GEMIN7: variants seen among roughly 807,000 people sequenced by gnomAD.
The protein encoded by GEMIN7 is gem-associated protein 7.
GEMIN7 carries 7 observed loss-of-function variants against 7.8 expected under a neutral mutation model. The observed-to-expected ratio is 0.90, with a 90% CI of 0.51 to 1.69. The LOEUF is 1.69. Ranked by LOEUF, GEMIN7 falls within the 40% of genes most tolerant of loss-of-function variation. GEMIN7 has a pLI of 0.00. For synonymous variants in GEMIN7, 68 were observed against 72.4 expected (o/e 0.94, Z 0.31); for missense variants, 159 against 176.2 (o/e 0.90, Z 0.55).
At chr19:45,089,520 G>A (rs889138943) in intron 2 of GEMIN7, among the ~76,000 whole-genome samples, 1 of 152,068 alleles carries the variant, frequency 6.6e-6, no homozygotes, top group African/African-American at 2.4e-5. Context: ...GGTGGGTTGT[G>A]TGTGAGAGAA....
upstream of GEMIN7, chr19:45,075,815 G>A (rs1444638112): frequency 1.2e-6 from 2 of 1,614,122 alleles, no homozygotes; most frequent in South Asian, 1.1e-5. Context: ...TGCAGGCAGC[G>A]GCCGCAGGTC....
chr19:45,087,282 T>C (rs1967725132), intron 2 of GEMIN7, among the ~76,000 whole-genome samples: 1 of 152,210 alleles, frequency 6.6e-6, no homozygotes. Context: ...GTAGCTGGGA[T>C]TACAGGCACG....
chr19:45,076,483 CGACCCGCCGCGAACTCTTACACGTGCTG>C (rs1474300162), upstream of GEMIN7: 1 of 788,378 alleles, frequency 1.3e-6, no homozygotes, highest in Non-Finnish European at 1.7e-6. This position sits in a 1 kb window ranked among gnomAD's most constrained non-coding sequence, Gnocchi z 4.9. Context: ...GTGACTGCGG[CGACCCGCCGCGAACTCTTACACGTGCTG>C]GCCGGGCCCG....
chr19:45,090,079 C>G (rs1385234343), intron 2 of GEMIN7, 28 bp from the exon 3 acceptor site: 2 of 1,581,726 alleles, frequency 1.3e-6, no homozygotes, highest in Admixed American at 3.5e-5. Flanking sequence ...CATGTAATGA[C>G]TTCCTGCTCT....
At chr19:45,079,247 C>A (rs562339313), upstream of GEMIN7, 1 of 152,304 alleles carries the variant, frequency 6.6e-6, no homozygotes, top group South Asian at 2.1e-4. Flanking sequence ...GGGGCGCCGG[C>A]GGAAGTGGGG....
chr19:45,086,865 C>T (rs1423349575), intron 2 of GEMIN7, among the ~76,000 whole-genome samples: 2 of 147,330 alleles, frequency 1.4e-5, no homozygotes, highest in African/African-American at 2.6e-5. Flanking sequence ...TTGTTTTTTT[C>T]GAGATGAGTC....
Position 45,079,979 on chromosome 19 carries a change from T to G in GEMIN7, c.-59T>G, listed in dbSNP as rs1967444647. 6.6e-6 allele frequency: 1 copy of G among 152,256 alleles called. No homozygotes were observed. The highest frequency in any genetic ancestry group is 2.1e-4 in the South Asian group (1 of 4,830). 9.4% of individuals were successfully genotyped at this position (152,256 alleles called of 1,614,324 possible). On this transcript the variant is annotated 5_prime_UTR_variant, in exon 2 of 3. Coordinates refer to ENST00000270257, the MANE Select transcript of GEMIN7 (RefSeq NM_024707.3). Reference sequence around the variant, plus strand: ...AATTGTGAAGAGTTGGCCAAATGTTTGTCCACTGAGCTGATCTCCTCTCTG... The same window carrying G: ...AATTGTGAAGAGTTGGCCAAATGTTGGTCCACTGAGCTGATCTCCTCTCTG...
rs1352124520 is a variant in GEMIN7, at chr19:45,091,034, G to A, written c.*524G>A. 1 of 171,272 alleles carries A rather than the reference G, an allele frequency of 5.8e-6. No individual in the cohort carries two copies. The highest frequency in any genetic ancestry group is 1.4e-5 in the Non-Finnish European group (1 of 70,454). 10.6% of individuals were successfully genotyped at this position (171,272 alleles called of 1,614,324 possible). A position where few individuals can be genotyped will look rare whatever the true frequency, so the allele number is the denominator to read the frequency against. ...AGTGGAGCTGGGCCAAGTACGACAG[G>A]AGTCCAGATAAAGGTGTAGGGGCTG... On this transcript the variant is annotated 3_prime_UTR_variant, in exon 3 of 3. Transcript: ENST00000270257.
rs145311329 is a variant in GEMIN7, at chr19:45,086,158, C to T, written c.-8-3949C>T. On this transcript the variant is annotated intron_variant, in intron 2 of 2. Coordinates refer to ENST00000270257, the MANE Select transcript of GEMIN7 (RefSeq NM_024707.3). ...CTGGTATTACAGGCGTGAGCCACCA[C>T]GCCCGGCCACACAAGAATCTCTTGA... 9.1e-3 allele frequency among the ~76,000 whole-genome samples: 1,379 copies of T among 151,242 alleles called. 28 individuals are homozygous for T. The highest frequency in any genetic ancestry group is 0.031 in the African/African-American group (1,274 of 41,222).
At chr19:45,086,811 C>T (rs916597406) in intron 2 of GEMIN7, among the ~76,000 whole-genome samples, 8 of 151,924 alleles carry the variant, frequency 5.3e-5, no homozygotes, top group Non-Finnish European at 7.4e-5. Flanking sequence ...ACAGCTAAAC[C>T]GGCCTGGGAT....
At chr19:45,080,352 T>A (rs1967456549) in intron 2 of GEMIN7, among the ~76,000 whole-genome samples, 1 of 151,028 alleles carries the variant, frequency 6.6e-6, no homozygotes, top group Admixed American at 6.6e-5. Flanking sequence ...TCCTCCACCC[T>A]CCAGCTTGCA....
intron 2 of GEMIN7, among the ~76,000 whole-genome samples, chr19:45,082,028 C>T (rs1784554099): frequency 6.6e-6 from 1 of 152,132 alleles, no homozygotes; most frequent in Non-Finnish European, 1.5e-5. Flanking sequence ...CAGTGACCTC[C>T]TCATTGCGTT....
chr19:45,090,416 A>C lies in GEMIN7; in HGVS notation c.302A>C (p.Asn101Thr). 1 of 1,614,144 alleles carries C rather than the reference A, an allele frequency of 6.2e-7. No homozygotes were observed. The highest frequency in any genetic ancestry group is 2.2e-5 in the East Asian group (1 of 44,886). The change falls in exon 3 of 3, where the codon AAC becomes ACC. Residue 101 changes from asparagine to threonine, a missense_variant. Transcript: ENST00000270257. ...HFGATDLDVANFYVSQLQTPI... is the reference protein window; with the variant it reads ...HFGATDLDVATFYVSQLQTPI... ...GGAGCCACCGACCTGGATGTGGCCA[A>C]CTTCTACGTGTCACAGCTGCAGACT...
At chr19:45,075,725 C>T, upstream of GEMIN7, 1 of 1,614,006 alleles carries the variant, frequency 6.2e-7, no homozygotes, top group Non-Finnish European at 8.5e-7. Flanking sequence ...GAGCCCTGGC[C>T]GCGGCTGGGG....
chr19:45,081,705 C>G (rs370022939), intron 2 of GEMIN7, among the ~76,000 whole-genome samples: 1 of 152,052 alleles, frequency 6.6e-6, no homozygotes, highest in African/African-American at 2.4e-5. Context: ...CCGCTCACTT[C>G]AACCTCCGCT....
intron 2 of GEMIN7, among the ~76,000 whole-genome samples, chr19:45,083,217 G>C (rs1345963662): frequency 6.6e-6 from 1 of 152,220 alleles, no homozygotes; most frequent in Non-Finnish European, 1.5e-5. Context: ...AAGCTGAACT[G>C]GGGGTGGGTC....
chr19:45,076,513 C>T (rs1967359484), upstream of GEMIN7: 6 of 596,084 alleles, frequency 1.0e-5, no homozygotes, highest in South Asian at 5.2e-4. The surrounding 1 kb of genome is among the most constrained non-coding windows in gnomAD (Gnocchi z 4.9). Flanking sequence ...CACGTGCTGG[C>T]CGGGCCCGTG....
upstream of GEMIN7, chr19:45,076,233 C>A: frequency 1.3e-6 from 2 of 1,508,518 alleles, no homozygotes; most frequent in Non-Finnish European, 8.8e-7. This position sits in a 1 kb window ranked among gnomAD's most constrained non-coding sequence, Gnocchi z 4.9. Flanking sequence ...AGGGCCCCAG[C>A]CTTGGGGCCT....
intron 2 of GEMIN7, among the ~76,000 whole-genome samples, chr19:45,087,661 G>A (rs1600143221): frequency 6.6e-6 from 1 of 152,294 alleles, no homozygotes; most frequent in East Asian, 1.9e-4. Flanking sequence ...GAGAGCAAGC[G>A]TGGTACACCA....
Sources: gnomAD v4.1 joint callset for allele counts (sites outside exome capture counted in the v4.1 genomes callset) on GRCh38, gnomAD v4.1.1 for gene constraint, Gnocchi (gnomAD v3.1) non-coding constraint, MANE v1.5 for transcripts, NCBI Gene and HGNC (gene_info 2026-07-23, HGNC 2026-07-21) for gene names.